CES5A: variants seen among roughly 807,000 people sequenced by gnomAD.
The protein encoded by CES5A is carboxylesterase 5.
In CES5A, 67 loss-of-function variants were observed where a neutral mutation model predicts 62.9. The observed-to-expected ratio is 1.07, with a 90% CI of 0.88 to 1.31. The LOEUF is 1.31. Among genes scored for constraint, CES5A ranks in the 50% most tolerant of loss-of-function variants. The pLI is 0.00. For missense variants in CES5A, 748 were observed against 708.5 expected (o/e 1.06, Z -0.63); for synonymous variants, 296 against 280.8 (o/e 1.05, Z -0.54).
intron 1 of CES5A, among the ~76,000 whole-genome samples, chr16:55,919,763 A>G (rs1786418116): frequency 6.6e-6 from 1 of 152,244 alleles, no homozygotes; most frequent in Non-Finnish European, 1.5e-5. Context: ...TTATTAGGTG[A>G]GTTGGACATA....
intron 2 of CES5A, among the ~76,000 whole-genome samples, chr16:55,949,013 A>G (rs2034526844): frequency 6.6e-6 from 1 of 152,206 alleles, no homozygotes; most frequent in Admixed American, 6.5e-5. Context: ...CTGGCTGGCC[A>G]TATGCAGCTC....
chr16:55,865,922 C>A lies in CES5A; in HGVS notation c.705+41G>T, dbSNP rs375692774. On this transcript the variant is annotated intron_variant, in intron 5 of 12. Transcript: ENST00000290567. Reference sequence around the variant, plus strand: ...GACTCATCATCATTTTTGGAACCTCCGGCACTGAGATTCATTCAAACCACA... The same window carrying A: ...GACTCATCATCATTTTTGGAACCTCAGGCACTGAGATTCATTCAAACCACA... 1.9e-5 allele frequency: 31 copies of A among 1,611,040 alleles called. No individual in the cohort carries two copies. In the East Asian group the frequency reaches 6.5e-4, roughly 34 times the overall value.
intron 2 of CES5A, among the ~76,000 whole-genome samples, chr16:55,949,074 C>T (rs1396198338): frequency 1.3e-5 from 2 of 152,190 alleles, no homozygotes; most frequent in African/African-American, 4.8e-5. Context: ...CAAATATAGC[C>T]ACAATAGTGC....
upstream of CES5A, among the ~76,000 whole-genome samples, chr16:55,925,642 G>A (rs2034251376): frequency 6.6e-6 from 1 of 152,060 alleles, no homozygotes; most frequent in South Asian, 2.1e-4. Context: ...AATGGATAAA[G>A]AAAATGTGAT....
At chr16:55,860,186 C>A (rs1417298924) in intron 7 of CES5A, among the ~76,000 whole-genome samples, 3 of 152,104 alleles carry the variant, frequency 2.0e-5, no homozygotes, top group African/African-American at 4.8e-5. Context: ...GTAAGATGTG[C>A]CTTTGCTCTT....
chr16:55,933,863 T>C (rs1297082023), intron 2 of CES5A, among the ~76,000 whole-genome samples: 1 of 152,154 alleles, frequency 6.6e-6, no homozygotes, highest in African/African-American at 2.4e-5. Flanking sequence ...TTCTTTGCAA[T>C]GGTCTACAAA....
In CES5A at chr16:55,862,331, C is replaced by A. The variant is rs556152914; in HGVS notation, c.811-815G>T. 3.3e-5 allele frequency among the ~76,000 whole-genome samples: 5 copies of A among 152,280 alleles called. No individual in the cohort carries two copies. In the South Asian group the frequency reaches 1.0e-3, roughly 32 times the overall value. On this transcript the variant is annotated intron_variant, in intron 6 of 12. Transcript: ENST00000290567. ...CCCTCTCCCTGGGAAAACGTGCAAGCATGTGGAGTCTGGTACAGTTGTGGA... is the reference window on the plus strand; with the variant it reads ...CCCTCTCCCTGGGAAAACGTGCAAGAATGTGGAGTCTGGTACAGTTGTGGA...
chr16:55,933,174 T>C (rs2034332334), intron 2 of CES5A, among the ~76,000 whole-genome samples: 1 of 152,172 alleles, frequency 6.6e-6, no homozygotes, highest in Admixed American at 6.5e-5. Context: ...CATGGGTTCT[T>C]AACTGTTTTG....
chr16:55,890,622 A>G (rs1383639801), intron 1 of CES5A, among the ~76,000 whole-genome samples: 1 of 152,202 alleles, frequency 6.6e-6, no homozygotes, highest in Non-Finnish European at 1.5e-5. Context: ...GTGAAAAAAA[A>G]TCCTTTAAAA....
At chr16:55,887,408 C>A (rs1333594106) in intron 1 of CES5A, among the ~76,000 whole-genome samples, 6 of 149,196 alleles carry the variant, frequency 4.0e-5, no homozygotes, top group African/African-American at 1.5e-4. Flanking sequence ...AAAGTTACTA[C>A]ACTGATTATC....
intron 1 of CES5A, among the ~76,000 whole-genome samples, chr16:55,892,156 G>A (rs1297016537): frequency 6.6e-6 from 1 of 152,074 alleles, no homozygotes; most frequent in African/African-American, 2.4e-5. Context: ...ATCTTAACCT[G>A]AACATTTCCA....
intron 6 of CES5A, among the ~76,000 whole-genome samples, chr16:55,862,197 C>A (rs1190095811): frequency 6.6e-6 from 1 of 152,186 alleles, no homozygotes; most frequent in Non-Finnish European, 1.5e-5. Flanking sequence ...TGAACATCTG[C>A]TTTCCTTGTC....
chr16:55,875,258 G>T lies in CES5A; in HGVS notation c.-37C>A. The T allele has an allele frequency of 6.2e-7, 1 of 1,604,074 alleles. No individual in the cohort carries two copies. Among genetic ancestry groups the T allele is most frequent in the Non-Finnish European group, 8.5e-7 (1 of 1,175,078 alleles). ...CCTGCACTCTGTGAACATTGACGGC[G>T]GCTGCTGGCCTCAGAGAGCTTCAGT... On this transcript the variant is annotated 5_prime_UTR_variant, in exon 1 of 13. Transcript: ENST00000290567.
chr16:55,932,463 T>C (rs954572872), intron 2 of CES5A, among the ~76,000 whole-genome samples: 11 of 151,872 alleles, frequency 7.2e-5, no homozygotes, highest in African/African-American at 1.9e-4. Flanking sequence ...AGAGTAAATA[T>C]GTTAGTTAGT....
chr16:55,863,686 G>T (rs2033399837), intron 5 of CES5A, among the ~76,000 whole-genome samples: 1 of 152,006 alleles, frequency 6.6e-6, no homozygotes, highest in Admixed American at 6.6e-5. Context: ...TCAGGCATGT[G>T]ATTTCTAGCT....
At chr16:55,949,052 G>A (rs1203045780) in intron 2 of CES5A, among the ~76,000 whole-genome samples, 1 of 152,174 alleles carries the variant, frequency 6.6e-6, no homozygotes, top group African/African-American at 2.4e-5. Context: ...CAGGTTTAAA[G>A]GTTTCTGTAG....
intron 9 of CES5A, among the ~76,000 whole-genome samples, chr16:55,854,560 G>A (rs1186852586): frequency 2.6e-4 from 2 of 7,624 alleles, no homozygotes; most frequent in African/African-American, 1.1e-3. Context: ...TTTTTTTTGA[G>A]ACAGAGTCTC....
At chr16:55,859,116 G>C (rs1567326520) in intron 8 of CES5A, among the ~76,000 whole-genome samples, 1 of 152,204 alleles carries the variant, frequency 6.6e-6, no homozygotes, top group Non-Finnish European at 1.5e-5. Flanking sequence ...CAATTTTGCA[G>C]CTTATGCAAC....
chr16:55,941,893 A>G (rs2034450235), intron 2 of CES5A, among the ~76,000 whole-genome samples: 1 of 152,152 alleles, frequency 6.6e-6, no homozygotes, highest in Non-Finnish European at 1.5e-5. Flanking sequence ...TCCAAAAGTC[A>G]ATGGTACTAT....
Sources: gnomAD v4.1 joint callset for allele counts (sites outside exome capture counted in the v4.1 genomes callset) on GRCh38, gnomAD v4.1.1 for gene constraint, MANE v1.5 for transcripts, NCBI Gene and HGNC (gene_info 2026-07-23, HGNC 2026-07-21) for gene names.